The following NUP210L variants were observed in gnomAD, a reference collection of about 807,000 sequenced individuals.
The protein encoded by NUP210L is nuclear pore membrane glycoprotein 210-like.
NUP210L carries 74 observed loss-of-function variants against 208.5 expected under a neutral mutation model. The ratio of observed to expected loss-of-function variants is 0.35; its 90% CI spans 0.29 to 0.43. The LOEUF (loss-of-function observed/expected upper bound fraction) is 0.43, where lower values mean the gene tolerates loss of function less well. NUP210L is among the 20% of genes least tolerant of loss of function. The probability of loss-of-function intolerance (pLI) is 1.00; values close to 1 mark genes in which losing one functional copy is unlikely to be tolerated. For missense variants in NUP210L, 1,843 were observed against 2,289.4 expected (o/e 0.81, Z 3.98); for synonymous variants, 780 against 816.9 (o/e 0.95, Z 0.77).
chr1:154,139,691 A>AC, intron 5 of NUP210L, 111 bp downstream of exon 5: 16 of 558,496 alleles, frequency 2.9e-5, no homozygotes, highest in South Asian at 4.8e-5. Flanking sequence ...AACAAACAAA[A>AC]AAAAAAAAAA....
At chr1:154,148,060 C>G (rs1659206002) in intron 2 of NUP210L, among the ~76,000 whole-genome samples, 1 of 149,420 alleles carries the variant, frequency 6.7e-6, no homozygotes, top group Admixed American at 6.6e-5. Flanking sequence ...GAGTTCGAGA[C>G]CAGCCCGGCC....
chr1:154,152,371 A>G (rs181651057), intron 2 of NUP210L, among the ~76,000 whole-genome samples: 7 of 151,422 alleles, frequency 4.6e-5, no homozygotes, highest in Admixed American at 1.3e-4. Flanking sequence ...ACGAGGTTTT[A>G]CCATGTTGGC....
At chr1:154,015,959 T>TA (rs531464860) in intron 33 of NUP210L, among the ~76,000 whole-genome samples, 18 of 145,982 alleles carry the variant, frequency 1.2e-4, no homozygotes, top group African/African-American at 1.0e-4. Flanking sequence ...TAAATAAAAA[T>TA]AAAAAAAATA....
chr1:154,004,297 C>A (rs1270735018), intron 35 of NUP210L, among the ~76,000 whole-genome samples: 4 of 152,026 alleles, frequency 2.6e-5, no homozygotes, highest in Non-Finnish European at 5.9e-5. Flanking sequence ...TCTCGATCTC[C>A]TGACCTCGTG....
intron 2 of NUP210L, among the ~76,000 whole-genome samples, chr1:154,149,085 C>CTTTTTTTTTTT (rs1272589191): frequency 3.6e-5 from 3 of 84,258 alleles, no homozygotes; most frequent in African/African-American, 1.4e-4. Flanking sequence ...CAGAAAACTT[C>CTTTTTTTTTTT]TCTTTTTTTT....
chr1:154,091,085 T>TATA (rs1359034611), intron 15 of NUP210L, among the ~76,000 whole-genome samples: 1 of 146,202 alleles, frequency 6.8e-6, no homozygotes, highest in African/African-American at 2.5e-5. Context: ...TTATTATTAT[T>TATA]ATTATTATTA....
At chr1:154,027,558 G>T in exon 29 of NUP210L, 3 of 1,613,702 alleles carry the variant, frequency 1.9e-6, no homozygotes, top group Non-Finnish European at 2.5e-6. Flanking sequence ...ATCTGCTCTG[G>T]TTGGCACTCT....
Position 154,025,798 on chromosome 1 carries a change from T to G in NUP210L, c.3948-82A>C, listed in dbSNP as rs757247921. The G allele has an allele frequency of 2.2e-4, 263 of 1,203,850 alleles. 3 individuals are homozygous for G. Among genetic ancestry groups the G allele is most frequent in the Middle Eastern group, 2.1e-3 (7 of 3,322 alleles). 74.6% of individuals were successfully genotyped at this position (1,203,850 alleles called of 1,614,324 possible). Reference sequence around the variant, plus strand: ...AAAGAGTAAAAATTTCCAGGATTACTGTTAGGGGATGTACTCGAGAAAACT... The same window carrying G: ...AAAGAGTAAAAATTTCCAGGATTACGGTTAGGGGATGTACTCGAGAAAACT... On this transcript the variant is annotated intron_variant, in intron 29 of 39. Coordinates refer to ENST00000368559, the Ensembl canonical transcript of NUP210L.
intron 13 of NUP210L, among the ~76,000 whole-genome samples, chr1:154,100,840 G>A (rs2148063487): frequency 6.6e-6 from 1 of 151,782 alleles, no homozygotes; most frequent in African/African-American, 2.4e-5. Context: ...TTTTAAAGGA[G>A]ATTAAGCTAT....
At chr1:154,009,792 C>CA (rs373230285) in intron 35 of NUP210L, among the ~76,000 whole-genome samples, 180 bp downstream of exon 35, 3,072 of 64,160 alleles carry the variant, frequency 0.048, 52 homozygotes, top group Middle Eastern at 0.14. Flanking sequence ...GACCCAGTCT[C>CA]AAAAAAAAAA....
intron 10 of NUP210L, among the ~76,000 whole-genome samples, chr1:154,123,278 C>T (rs59106961): frequency 1.3e-4 from 20 of 151,922 alleles, no homozygotes; most frequent in Non-Finnish European, 1.9e-4. Flanking sequence ...CCCGAGTATC[C>T]GGGATTATAG....
chr1:154,030,115 T>C, intron 27 of NUP210L, 61 bp from the exon 28 acceptor site: 1 of 1,205,066 alleles, frequency 8.3e-7, no homozygotes. Context: ...CCTTCCTTTT[T>C]TTTTCACTTT....
intron 26 of NUP210L, 40 bp from the exon 27 acceptor site, chr1:154,046,240 A>C: frequency 1.9e-6 from 3 of 1,613,048 alleles, no homozygotes; most frequent in Non-Finnish European, 2.5e-6. Context: ...TATTCTGCCC[A>C]GTTGCAATTA....
intron 13 of NUP210L, among the ~76,000 whole-genome samples, chr1:154,102,602 A>G (rs1656525314): frequency 6.6e-6 from 1 of 152,196 alleles, no homozygotes; most frequent in East Asian, 1.9e-4. Context: ...TAAGAATTAA[A>G]TAGTTAATGT....
chr1:154,046,347 A>G, exon 26 of NUP210L: 1 of 1,614,208 alleles, frequency 6.2e-7, no homozygotes, highest in Non-Finnish European at 8.5e-7. Context: ...CCTTAGCTGA[A>G]CAACTTCAAT....
chr1:154,122,579 C>T (rs75349171), intron 10 of NUP210L, among the ~76,000 whole-genome samples: 2,060 of 152,136 alleles, frequency 0.014, 110 homozygotes, highest in East Asian at 0.1. Flanking sequence ...GGTGTGAACT[C>T]GGGAGGTGGA....
intron 14 of NUP210L, 131 bp downstream of exon 14, chr1:154,099,867 A>C: frequency 1.1e-6 from 1 of 915,602 alleles, no homozygotes; most frequent in Non-Finnish European, 1.7e-6. Flanking sequence ...TAAAAACAAA[A>C]AAGTGGCAAG....
At chr1:154,022,079 C>T in intron 32 of NUP210L, 47 bp downstream of exon 32, 1 of 1,445,614 alleles carries the variant, frequency 6.9e-7, no homozygotes, top group East Asian at 2.3e-5. Context: ...GCTTTTTAAT[C>T]CCCACAACTA....
intron 3 of NUP210L, 64 bp downstream of exon 3, chr1:154,143,382 G>A: frequency 6.7e-7 from 1 of 1,485,846 alleles, no homozygotes. Context: ...GTTTCCAAGT[G>A]CTAAACATAA....
Sources: gnomAD v4.1 joint callset for allele counts (sites outside exome capture counted in the v4.1 genomes callset) on GRCh38, gnomAD v4.1.1 for gene constraint, MANE v1.5 for transcripts, NCBI Gene and HGNC (gene_info 2026-07-23, HGNC 2026-07-21) for gene names.